MAGI2: variants seen among roughly 807,000 people sequenced by gnomAD.
MAGI2 encodes membrane associated guanylate kinase, WW and PDZ domain containing 2.
A neutral mutation model predicts 133.3 loss-of-function variants in MAGI2; 35 were observed. The observed-to-expected ratio is 0.26, with a 90% CI of 0.20 to 0.35. The LOEUF (loss-of-function observed/expected upper bound fraction) is 0.35. MAGI2 is among the 10% of genes least tolerant of loss of function. The pLI is 1.00. For synonymous variants in MAGI2, 729 were observed against 710.6 expected (o/e 1.03, Z -0.41); for missense variants, 1,636 against 1,863.4 (o/e 0.88, Z 2.25).
chr7:78,955,773 C>CTTTCT (rs1554310448), intron 2 of MAGI2, among the ~76,000 whole-genome samples: 9 of 95,428 alleles, frequency 9.4e-5, no homozygotes, highest in East Asian at 5.4e-4. Context: ...TTCTTTCTTT[C>CTTTCT]TTTCTTTCTT....
intron 2 of MAGI2, among the ~76,000 whole-genome samples, chr7:78,775,299 C>T (rs566120898): frequency 1.1e-4 from 13 of 115,492 alleles, no homozygotes; most frequent in Admixed American, 8.7e-4. Context: ...GGCGACAGAG[C>T]GAGACTCTGT....
chr7:79,036,734 G>A (rs985175), intron 1 of MAGI2, among the ~76,000 whole-genome samples: 64,167 of 151,900 alleles, frequency 0.42, 13,768 homozygotes, highest in African/African-American at 0.5. Flanking sequence ...TGAAGGGCAT[G>A]TGAGGGTAAT....
At chr7:78,820,534 T>A (rs1790008409) in intron 2 of MAGI2, among the ~76,000 whole-genome samples, 1 of 151,902 alleles carries the variant, frequency 6.6e-6, no homozygotes, top group South Asian at 2.1e-4. Flanking sequence ...TTCCTGATTT[T>A]AAAAAAGTGG....
Position 79,227,346 on chromosome 7 carries a change from C to T in MAGI2, c.302-220140G>A, listed in dbSNP as rs138658476. On this transcript the variant is annotated intron_variant, in intron 1 of 21. Coordinates refer to ENST00000354212, the MANE Select transcript of MAGI2 (RefSeq NM_012301.4). ...CTCCATGCGGAGTGTTGTTGTCTTA[C>T]TCTCAATATATTCCATGGCAGGGAC... Among the ~76,000 whole-genome samples, 171 of 152,242 alleles carry T rather than the reference C, an allele frequency of 1.1e-3. No individual in the cohort carries two copies. The East Asian group carries it at 0.028, about 25-fold the overall frequency.
chr7:78,656,051 A>AGT lies in MAGI2; in HGVS notation c.419-28814_419-28813dup, dbSNP rs147302681. Among the ~76,000 whole-genome samples, 417 of 152,096 alleles carry AGT rather than the reference A, an allele frequency of 2.7e-3. 15 individuals are homozygous for AGT. The East Asian group carries it at 0.076, about 28-fold the overall frequency. The stretch of plus-strand genomic sequence containing the variant: ...CTATTGCACTTGAGGGAAAAATAAA[A>AGT]GTGGGGATCCCCATTAAACTATACA... On this transcript the variant is annotated intron_variant, in intron 2 of 21. Transcript: ENST00000354212.
intron 1 of MAGI2, among the ~76,000 whole-genome samples, chr7:79,028,216 A>ATATATATATATATGTATATATAT (rs1398976770): frequency 1.7e-5 from 2 of 114,720 alleles, no homozygotes; most frequent in Admixed American, 1.0e-4. Flanking sequence ...ATCTCAAAAA[A>ATATATATATATATGTATATATAT]ATATATATAT....
chr7:78,410,751 G>C (rs557961406), intron 6 of MAGI2, among the ~76,000 whole-genome samples: 140 of 152,056 alleles, frequency 9.2e-4, no homozygotes, highest in Admixed American at 1.8e-3. Context: ...GGAAAAAAAA[G>C]CAAGTGAAGA....
intron 1 of MAGI2, among the ~76,000 whole-genome samples, chr7:79,440,737 T>G (rs77677523): frequency 6.6e-6 from 1 of 151,998 alleles, no homozygotes; most frequent in South Asian, 2.1e-4. Context: ...CAAAAAAAAA[T>G]GTAAATGGCT....
chr7:78,955,323 GTA>G (rs993149799), intron 2 of MAGI2, among the ~76,000 whole-genome samples: 9 of 151,976 alleles, frequency 5.9e-5, no homozygotes, highest in Non-Finnish European at 1.2e-4. Context: ...TGGGACATAT[GTA>G]TATATATAAA....
At chr7:78,681,193 G>A (rs1436505032) in intron 2 of MAGI2, among the ~76,000 whole-genome samples, 1 of 152,004 alleles carries the variant, frequency 6.6e-6, no homozygotes, top group East Asian at 1.9e-4. Flanking sequence ...CCTCATGAGG[G>A]GGTGAAACTG....
intron 16 of MAGI2, among the ~76,000 whole-genome samples, chr7:78,143,924 GTTTTT>G (rs374859888): frequency 7.3e-6 from 1 of 137,756 alleles, no homozygotes. Context: ...AGTCCTATAA[GTTTTT>G]TTTTTTTTTT....
chr7:79,182,410 C>T (rs1344707675), intron 1 of MAGI2, among the ~76,000 whole-genome samples: 1 of 151,868 alleles, frequency 6.6e-6, no homozygotes. Flanking sequence ...TCAGATCTTG[C>T]AAGACTTATT....
At chr7:78,902,898 A>G (rs1584339507) in intron 2 of MAGI2, among the ~76,000 whole-genome samples, 1 of 152,226 alleles carries the variant, frequency 6.6e-6, no homozygotes, top group South Asian at 2.1e-4. Flanking sequence ...GACACATTCA[A>G]ACATTTTAGA....
At chr7:78,273,436 G>A (rs1013431301) in intron 9 of MAGI2, among the ~76,000 whole-genome samples, 14 of 152,140 alleles carry the variant, frequency 9.2e-5, no homozygotes, top group Non-Finnish European at 1.8e-4. Flanking sequence ...TTCTCGAGGA[G>A]TATCTTTGTG....
intron 1 of MAGI2, among the ~76,000 whole-genome samples, chr7:79,117,274 T>G (rs1819488739): frequency 6.6e-6 from 1 of 152,188 alleles, no homozygotes. Flanking sequence ...GCTGCAATAT[T>G]TTAACATGAA....
At chr7:79,145,605 A>T (rs1822544254) in intron 1 of MAGI2, among the ~76,000 whole-genome samples, 1 of 152,138 alleles carries the variant, frequency 6.6e-6, no homozygotes, top group Non-Finnish European at 1.5e-5. Flanking sequence ...AATACATACT[A>T]GTTGCACTAT....
rs750874745 is a variant in MAGI2 at position 79,453,207 on chromosome 7, A to G, written c.114T>C (p.Asn38=). Residue 38 remains asparagine (N), a synonymous_variant, in exon 1 of 22, where the codon AAT becomes AAC. Transcript: ENST00000354212. ...LGFELKGGAE[N]GQFPYLGEVK... ...CCTCCCCCAGGTAGGGGAACTGTCC[A>G]TTCTCGGCGCCCCCCTTCAGTTCAA... 6.2e-7 allele frequency: 1 copy of G among 1,613,576 alleles called. No individual in the cohort carries two copies. Among genetic ancestry groups the G allele is most frequent in the African/African-American group, 1.3e-5 (1 of 74,862 alleles).
chr7:78,148,239 C>A (rs566542134), intron 16 of MAGI2, among the ~76,000 whole-genome samples: 7 of 152,244 alleles, frequency 4.6e-5, no homozygotes, highest in African/African-American at 1.7e-4. Flanking sequence ...ACACATGCAA[C>A]AACATGGATG....
At chr7:79,111,244 A>G (rs138714127) in intron 1 of MAGI2, among the ~76,000 whole-genome samples, 1 of 152,298 alleles carries the variant, frequency 6.6e-6, no homozygotes, top group African/African-American at 2.4e-5. Flanking sequence ...GGTTCAAAAT[A>G]TCTATCTCTT....
Sources: allele counts gnomAD v4.1 joint callset (sites outside exome capture counted in the v4.1 genomes callset), GRCh38; gene constraint gnomAD v4.1.1; transcripts MANE v1.5; gene names NCBI Gene and HGNC (gene_info 2026-07-23, HGNC 2026-07-21).